CALHM1: variants seen among roughly 807,000 people sequenced by gnomAD.
CALHM1 encodes calcium homeostasis modulator protein 1.
In CALHM1, 11 loss-of-function variants were observed where a neutral mutation model predicts 14.8. The ratio of observed to expected loss-of-function variants is 0.74; its 90% CI spans 0.47 to 1.23. The LOEUF (loss-of-function observed/expected upper bound fraction) is 1.23. CALHM1 is among the 50% of genes most tolerant of loss of function. The pLI, the probability that CALHM1 is intolerant of heterozygous loss-of-function variation, is 0.00. For missense variants in CALHM1, 458 were observed against 496.4 expected, an observed-to-expected ratio of 0.92 and a Z score of 0.74; for synonymous variants, 215 against 218.9, an observed-to-expected ratio of 0.98 and a Z score of 0.16.
Position 103,458,122 on chromosome 10 carries a change from G to T in CALHM1, c.555+75C>A. The stretch of plus-strand genomic sequence containing the variant: ...CTGAGCAGAGGCCCCATTTTGAGAG[G>T]TAGGGGGATAGGGCCCTCCCAGAGG... On this transcript the variant is annotated intron_variant, in intron 1 of 1. Coordinates refer to ENST00000329905, the MANE Select transcript of CALHM1 (RefSeq NM_001001412.4). This position sits in a 1 kb window ranked among gnomAD's most constrained non-coding sequence, Gnocchi z 4.9. 1 of 1,532,868 alleles carries T rather than the reference G, an allele frequency of 6.5e-7. No individual in the cohort carries two copies. Among genetic ancestry groups the T allele is most frequent in the East Asian group, 2.3e-5 (1 of 44,418 alleles). 95.0% of individuals were successfully genotyped at this position (1,532,868 alleles called of 1,614,324 possible). A position where few individuals can be genotyped will look rare whatever the true frequency, so the allele number is the denominator to read the frequency against.
At position 103,458,565 on chromosome 10, in the gene CALHM1, C is replaced by T; in HGVS notation, c.187G>A (p.Val63Met). ...SAGILLAPPL[V>M]LFLLGLVMNN... is the part of the protein sequence containing the mutation. ...ATGACCAGGCCAAGCAGAAAGAGCA[C>T]CAGGGGTGGCGCCAGCAGGATGCCC... is the stretch of plus-strand genomic sequence containing the variant. The change falls in exon 1 of 2, where the codon GTG (valine) becomes ATG (methionine). Residue 63 changes from valine (V) to methionine (M), a missense_variant. By Grantham distance (21) the Val-to-Met change is conservative. Coordinates refer to ENST00000329905, the MANE Select transcript of CALHM1 (RefSeq NM_001001412.4). This position sits in a 1 kb window ranked among gnomAD's most constrained non-coding sequence, Gnocchi z 4.9. The T allele has an allele frequency of 6.2e-7, 1 of 1,613,852 alleles. No homozygotes were observed. The highest frequency in any genetic ancestry group is 8.5e-7 in the Non-Finnish European group (1 of 1,180,030).
rs532706013 is a variant in CALHM1, at chr10:103,454,827, G to A, written c.*435C>T. 23 of 175,668 alleles carry A rather than the reference G, an allele frequency of 1.3e-4. No individual in the cohort carries two copies. Among genetic ancestry groups the A allele is most frequent in the Non-Finnish European group, 1.2e-4 (10 of 83,380 alleles). The allele number at this position is 175,668 out of a possible 1,614,324, so 10.9% of individuals were successfully genotyped here. ...TCAGAGGGCTCCCACTTCATGAGAC[G>A]CCTGATGATTCCCACTCCCCGAGCC... On this transcript the variant is annotated 3_prime_UTR_variant, in exon 2 of 2. Transcript: ENST00000329905.
At chr10:103,457,570 C>T (rs961736474) in intron 1 of CALHM1, among the ~76,000 whole-genome samples, 7 of 152,202 alleles carry the variant, frequency 4.6e-5, no homozygotes, top group African/African-American at 9.7e-5. Context: ...CCTCCCCACA[C>T]GGCACTGACT....
chr10:103,456,422 G>A (rs1028115110), intron 1 of CALHM1, among the ~76,000 whole-genome samples: 3 of 152,208 alleles, frequency 2.0e-5, no homozygotes, highest in African/African-American at 2.4e-5. Context: ...TCATAGAGGC[G>A]AATCAGGCAA....
Position 103,458,407 on chromosome 10 carries a change from C to T in CALHM1, c.345G>A (p.Val115=), listed in dbSNP as rs756487699. ...QRALIAPVVW[V]AVTLLDGKCF... is the part of the protein sequence containing the mutation. Reference sequence around the variant, plus strand: ...ATTTGCCGTCGAGTAGCGTGACGGCCACCCAGACGACAGGCGCGATGAGGG... The same window carrying T: ...ATTTGCCGTCGAGTAGCGTGACGGCTACCCAGACGACAGGCGCGATGAGGG... The change falls in exon 1 of 2, where the codon GTG becomes GTA. Residue 115 remains valine (V), a synonymous_variant. Transcript: ENST00000329905. This position sits in a 1 kb window ranked among gnomAD's most constrained non-coding sequence, Gnocchi z 4.9. 1.9e-6 allele frequency: 3 copies of T among 1,608,976 alleles called. No individual in the cohort carries two copies. In the Admixed American group the frequency reaches 5.0e-5, roughly 27 times the overall value.
At position 103,453,302 on chromosome 10, in the gene CALHM1, T is replaced by A. The variant is rs1395926655; in HGVS notation, c.*1960A>T. 1 of 152,170 alleles carries A rather than the reference T, an allele frequency of 6.6e-6. No individual in the cohort carries two copies. Among genetic ancestry groups the A allele is most frequent in the Non-Finnish European group, 1.5e-5 (1 of 68,040 alleles). 9.4% of individuals were successfully genotyped at this position (152,170 alleles called of 1,614,324 possible). A position where few individuals can be genotyped will look rare whatever the true frequency, so the allele number is the denominator to read the frequency against. ...AGCATGTGCTAAACACAGTCCCAGA[T>A]CCTTCCCTAAAAGTTATCTTCCTCT... On this transcript the variant is annotated 3_prime_UTR_variant, in exon 2 of 2. Transcript: ENST00000329905.
chr10:103,458,238 C>A lies in CALHM1; in HGVS notation c.514G>T (p.Ala172Ser). The A allele has an allele frequency of 8.1e-6, 13 of 1,613,024 alleles. No homozygotes were observed. Among genetic ancestry groups the A allele is most frequent in the Non-Finnish European group, 1.1e-5 (13 of 1,179,856 alleles). ...PEIYDGDWLLAREVAVRYLRC... is the reference protein window; with the variant it reads ...PEIYDGDWLLSREVAVRYLRC... ...AGGTAACGCACGGCCACCTCTCGGG[C>A]CAACAGCCAGTCGCCATCGTAGATC... Residue 172 changes from alanine to serine, a missense_variant, in exon 1 of 2, where the codon GCC becomes TCC. Physicochemically the swap from Ala to Ser is moderately conservative, Grantham distance 99. Transcript: ENST00000329905. This position sits in a 1 kb window ranked among gnomAD's most constrained non-coding sequence, Gnocchi z 4.9.
intron 1 of CALHM1, among the ~76,000 whole-genome samples, chr10:103,457,140 A>G (rs1267137650): frequency 6.6e-6 from 1 of 152,186 alleles, no homozygotes; most frequent in Non-Finnish European, 1.5e-5. Context: ...CTAAAGTTGA[A>G]TCTAGAATTC....
Position 103,458,515 on chromosome 10 carries a change from G to C in CALHM1, c.237C>G (p.Ala79=), listed in dbSNP as rs774164773. Residue 79 remains alanine, a synonymous_variant, in exon 1 of 2, where the codon GCC becomes GCG. Transcript: ENST00000329905. The surrounding 1 kb of genome is among the most constrained non-coding windows in gnomAD (Gnocchi z 4.9). ...GGCCCAGCGGCCGCTTCCACTCTTC[G>C]GCCAGCATGGACACGTTGTTGTTCA... ...LVMNNNVSML[A]EEWKRPLGRR... The C allele has an allele frequency of 1.2e-6, 2 of 1,613,444 alleles. No homozygotes were observed. The highest frequency in any genetic ancestry group is 2.2e-5 in the East Asian group (1 of 44,860).
At chr10:103,457,862 C>G (rs950251814) in intron 1 of CALHM1, among the ~76,000 whole-genome samples, 1 of 152,228 alleles carries the variant, frequency 6.6e-6, no homozygotes, top group African/African-American at 2.4e-5. Flanking sequence ...TCACCACTGC[C>G]GAGGCCCGGA....
chr10:103,455,858 G>A, intron 1 of CALHM1, 111 bp from the exon 2 acceptor site: 1 of 1,344,826 alleles, frequency 7.4e-7, no homozygotes, highest in Non-Finnish European at 9.9e-7. Flanking sequence ...AGCACAAATT[G>A]GGCAAGTGAG....
Position 103,455,346 on chromosome 10 carries a change from C to A in CALHM1, c.957G>T (p.Glu319Asp). ...CCCAGCCGTTGCCCATCAGCGGTGGCTCCTCCTGGCCCAGCCGCAGAGGCG... is the reference window on the plus strand; with the variant it reads ...CCCAGCCGTTGCCCATCAGCGGTGGATCCTCCTGGCCCAGCCGCAGAGGCG... ...CKPPLRLGQE[E>D]PPLMGNGWAG... Residue 319 changes from glutamate (E) to aspartate (D), a missense_variant, in exon 2 of 2, where the codon GAG (glutamate) becomes GAT (aspartate). By Grantham distance (45) the Glu-to-Asp change is conservative. Transcript: ENST00000329905. 6.2e-7 allele frequency: 1 copy of A among 1,613,536 alleles called. No homozygotes were observed. The highest frequency in any genetic ancestry group is 8.5e-7 in the Non-Finnish European group (1 of 1,179,988).
chr10:103,458,805 GC>G lies in CALHM1; in HGVS notation c.-55del, dbSNP rs1421002633. 5.9e-6 allele frequency: 9 copies of G among 1,518,910 alleles called. No homozygotes were observed. Among genetic ancestry groups the G allele is most frequent in the African/African-American group, 2.8e-5 (2 of 72,680 alleles). 94.1% of individuals were successfully genotyped at this position (1,518,910 alleles called of 1,614,324 possible). On this transcript the variant is annotated 5_prime_UTR_variant, in exon 1 of 2. It removes the in-frame stop codon of an upstream open reading frame in the 5' UTR. Coordinates refer to ENST00000329905, the MANE Select transcript of CALHM1 (RefSeq NM_001001412.4). This position sits in a 1 kb window ranked among gnomAD's most constrained non-coding sequence, Gnocchi z 4.9. ...CCAACTCACTGCTGCCTCCAAGAGG[GC>G]CCCTGCTGCCCACCCTGCCCACTGG...
At chr10:103,457,866 G>T (rs927134398) in intron 1 of CALHM1, among the ~76,000 whole-genome samples, 1 of 152,326 alleles carries the variant, frequency 6.6e-6, no homozygotes, top group Admixed American at 6.5e-5. Flanking sequence ...CACTGCCGAG[G>T]CCCGGAAGAG....
Position 103,458,759 on chromosome 10 carries a change from G to A in CALHM1, c.-8C>T, listed in dbSNP as rs575956809. 2 of 1,593,584 alleles carry A rather than the reference G, an allele frequency of 1.3e-6. No individual in the cohort carries two copies. The highest frequency in any genetic ancestry group is 2.3e-5 in the South Asian group (2 of 87,370). ...CCGGAACTTGTCCATCATGCCCGCT[G>A]TGGGGCCCGGCCTCCTCTTCCCAAC... On this transcript the variant is annotated 5_prime_UTR_variant, in exon 1 of 2. Coordinates refer to ENST00000329905, the MANE Select transcript of CALHM1 (RefSeq NM_001001412.4). This position sits in a 1 kb window ranked among gnomAD's most constrained non-coding sequence, Gnocchi z 4.9.
Position 103,458,112 on chromosome 10 carries a change from A to T in CALHM1, c.555+85T>A. On this transcript the variant is annotated intron_variant, in intron 1 of 1. Transcript: ENST00000329905. This position sits in a 1 kb window ranked among gnomAD's most constrained non-coding sequence, Gnocchi z 4.9. Reference sequence around the variant, plus strand: ...GGAGCTCCACCTGAGCAGAGGCCCCATTTTGAGAGGTAGGGGGATAGGGCC... The same window carrying T: ...GGAGCTCCACCTGAGCAGAGGCCCCTTTTTGAGAGGTAGGGGGATAGGGCC... The T allele has an allele frequency of 6.7e-7, 1 of 1,494,228 alleles. No individual in the cohort carries two copies. Among genetic ancestry groups the T allele is most frequent in the Non-Finnish European group, 9.1e-7 (1 of 1,097,674 alleles). The allele number at this position is 1,494,228 out of a possible 1,614,324, so 92.6% of individuals were successfully genotyped here. A position where few individuals can be genotyped will look rare whatever the true frequency, so the allele number is the denominator to read the frequency against.
rs775409079 is a variant in CALHM1, at chr10:103,455,746, G to A, written c.557C>T (p.Ala186Val). ...CAGCAGCACGAAGGACCAGCCCAGCGCCTGTGGGAAGATGAGAGAGAGTCA... is the reference window on the plus strand; with the variant it reads ...CAGCAGCACGAAGGACCAGCCCAGCACCTGTGGGAAGATGAGAGAGAGTCA... Reference protein sequence around the residue: ...AVRYLRCISQALGWSFVLLTT... With the variant: ...AVRYLRCISQVLGWSFVLLTT... The change falls in exon 2 of 2, where the codon GCG (alanine) becomes GTG (valine). Residue 186 changes from alanine to valine, a missense_variant and splice_region_variant. Transcript: ENST00000329905. The A allele has an allele frequency of 2.0e-5, 32 of 1,609,762 alleles. No homozygotes were observed. The highest frequency in any genetic ancestry group is 6.7e-5 in the Admixed American group (4 of 59,638).
In CALHM1 at chr10:103,458,609, T is replaced by G; in HGVS notation, c.143A>C (p.Tyr48Ser). The G allele has an allele frequency of 6.2e-7, 1 of 1,613,978 alleles. No individual in the cohort carries two copies. The highest frequency in any genetic ancestry group is 1.6e-4 in the Middle Eastern group (1 of 6,062). ...GATGCCCGCGCTGTAGGCTGCATTG[T>G]AGCCCGGCAGGCAGGGGCAGTTGAA... Reference protein sequence around the residue: ...FDFNCPCLPGYNAAYSAGILL... With the variant: ...FDFNCPCLPGSNAAYSAGILL... Residue 48 changes from tyrosine to serine, a missense_variant, in exon 1 of 2, where the codon TAC (tyrosine) becomes TCC (serine). Coordinates refer to ENST00000329905, the MANE Select transcript of CALHM1 (RefSeq NM_001001412.4). This position sits in a 1 kb window ranked among gnomAD's most constrained non-coding sequence, Gnocchi z 4.9.
chr10:103,455,156 G>T lies in CALHM1; in HGVS notation c.*106C>A. 3 of 1,428,768 alleles carry T rather than the reference G, an allele frequency of 2.1e-6. No homozygotes were observed. The highest frequency in any genetic ancestry group is 2.8e-6 in the Non-Finnish European group (3 of 1,082,806). 88.5% of individuals were successfully genotyped at this position (1,428,768 alleles called of 1,614,324 possible). ...GTGCTAGGGAGTGTGGATCTGCCTA[G>T]GGGAGTACTGCCCAGCACTGAAACC... On this transcript the variant is annotated 3_prime_UTR_variant, in exon 2 of 2. Coordinates refer to ENST00000329905, the MANE Select transcript of CALHM1 (RefSeq NM_001001412.4).
Sources: gnomAD v4.1 joint callset for allele counts (sites outside exome capture counted in the v4.1 genomes callset) on GRCh38, gnomAD v4.1.1 for gene constraint, Gnocchi (gnomAD v3.1) non-coding constraint, MANE v1.5 for transcripts, NCBI Gene and HGNC (gene_info 2026-07-23, HGNC 2026-07-21) for gene names.